The following PDE4D variants were observed in gnomAD, a reference collection of about 807,000 sequenced individuals.
PDE4D encodes the protein phosphodiesterase 4D.
A neutral mutation model predicts 87.4 loss-of-function variants in PDE4D; 24 were observed. The observed-to-expected ratio is 0.27, with a 90% confidence interval of 0.20 to 0.39. The LOEUF is 0.39. PDE4D is among the 10% of genes least tolerant of loss of function. The pLI is 1.00. For missense variants in PDE4D, 714 were observed against 1,041.0 expected, an observed-to-expected ratio of 0.69 and a Z score of 4.32; for synonymous variants, 384 against 383.2, an observed-to-expected ratio of 1.00 and a Z score of -0.02.
rs773384834 is a variant in PDE4D at position 59,848,472 on chromosome 5, A to G, written c.455+44696T>C. Among the ~76,000 whole-genome samples the G allele has an allele frequency of 2.3e-4, 35 of 152,206 alleles. 1 individual carries two copies. Among genetic ancestry groups the G allele is most frequent in the Admixed American group, 1.3e-3 (20 of 15,266 alleles). ...TATTAGGACATGTCTGTCTTTATGT[A>G]AGTTTTTGCAGCCACTAAAAATGAT... On this transcript the variant is annotated intron_variant, in intron 1 of 14. Coordinates refer to ENST00000340635, the MANE Select transcript of PDE4D (RefSeq NM_001104631.2).
chr5:60,301,381 T>C (rs995334048), intron 1 of PDE4D, among the ~76,000 whole-genome samples: 1 of 152,204 alleles, frequency 6.6e-6, no homozygotes, highest in Non-Finnish European at 1.5e-5. Context: ...ATGTCTGATT[T>C]CTTTGAGCAT....
intron 1 of PDE4D, among the ~76,000 whole-genome samples, chr5:59,771,081 A>C (rs1763386621): frequency 6.6e-6 from 1 of 151,990 alleles, no homozygotes; most frequent in Non-Finnish European, 1.5e-5. Context: ...GCATTGAGCC[A>C]TGATCATGCC....
chr5:60,060,164 A>T (rs983890993), intron 2 of PDE4D, among the ~76,000 whole-genome samples: 1 of 152,014 alleles, frequency 6.6e-6, no homozygotes, highest in African/African-American at 2.4e-5. Flanking sequence ...TTCCATCACA[A>T]AGTTCTCTCT....
intron 1 of PDE4D, among the ~76,000 whole-genome samples, chr5:60,384,527 CTGTT>C (rs1173948499): frequency 1.3e-5 from 2 of 152,210 alleles, no homozygotes; most frequent in African/African-American, 2.4e-5. Context: ...GTCTTTGACT[CTGTT>C]TGCTTCCTCT....
intron 2 of PDE4D, among the ~76,000 whole-genome samples, chr5:60,105,010 A>G (rs1776712133): frequency 6.6e-6 from 1 of 152,242 alleles, no homozygotes; most frequent in Non-Finnish European, 1.5e-5. Flanking sequence ...AAGCTGGACG[A>G]AGAATGACTT....
intron 1 of PDE4D, among the ~76,000 whole-genome samples, chr5:59,858,318 C>A (rs1333155917): frequency 6.6e-6 from 1 of 151,892 alleles, no homozygotes; most frequent in African/African-American, 2.4e-5. Context: ...CCTAGAATTT[C>A]CCTGTATCCT....
chr5:59,816,889 A>G (rs1158168964), intron 1 of PDE4D, among the ~76,000 whole-genome samples: 1 of 152,204 alleles, frequency 6.6e-6, no homozygotes, highest in Non-Finnish European at 1.5e-5. Context: ...CTTTAAAATG[A>G]ATTTCCAAAT....
intron 1 of PDE4D, among the ~76,000 whole-genome samples, chr5:59,858,502 G>T (rs1022145397): frequency 5.3e-5 from 8 of 152,034 alleles, no homozygotes; most frequent in Non-Finnish European, 1.5e-5. Flanking sequence ...GTGCTTTTGT[G>T]TTGGGCTTGT....
At chr5:59,548,601 CAG>C (rs1329165536) in intron 1 of PDE4D, among the ~76,000 whole-genome samples, 22 of 151,986 alleles carry the variant, frequency 1.4e-4, no homozygotes, top group Non-Finnish European at 1.9e-4. Context: ...ACATGTGCTA[CAG>C]AGAAAAATAA....
chr5:59,740,704 A>C (rs2150667448), intron 1 of PDE4D, among the ~76,000 whole-genome samples: 1 of 152,302 alleles, frequency 6.6e-6, no homozygotes, highest in East Asian at 1.9e-4. Context: ...GGAATTATTC[A>C]GGTAAAGAGG....
At chr5:60,212,389 C>A (rs934309864) in intron 1 of PDE4D, among the ~76,000 whole-genome samples, 1 of 152,066 alleles carries the variant, frequency 6.6e-6, no homozygotes, top group Non-Finnish European at 1.5e-5. Flanking sequence ...CAGATTTAGC[C>A]AATTGGAGCA....
intron 1 of PDE4D, among the ~76,000 whole-genome samples, chr5:60,200,681 C>T (rs954514207): frequency 6.6e-6 from 1 of 152,058 alleles, no homozygotes; most frequent in African/African-American, 2.4e-5. Flanking sequence ...TCTCCTTGCT[C>T]CCAAATTCAC....
chr5:60,441,834 A>AGTTTGGGTGGATAG, intron 1 of PDE4D, among the ~76,000 whole-genome samples: 1 of 151,052 alleles, frequency 6.6e-6, no homozygotes, highest in Non-Finnish European at 1.5e-5. Flanking sequence ...AAACGTATGA[A>AGTTTGGGTGGATAG]AAAAAAGCTC....
intron 2 of PDE4D, among the ~76,000 whole-genome samples, chr5:60,142,184 AGAAGGAAGGATG>A (rs1190422182): frequency 1.4e-5 from 2 of 142,582 alleles, no homozygotes; most frequent in Non-Finnish European, 3.1e-5. Flanking sequence ...GACAATACAT[AGAAGGAAGGATG>A]GAAGGAAGGA....
intron 1 of PDE4D, among the ~76,000 whole-genome samples, chr5:60,467,339 T>C (rs1193448783): frequency 6.6e-6 from 1 of 152,146 alleles, no homozygotes; most frequent in Non-Finnish European, 1.5e-5. Flanking sequence ...GGCCCAGCCC[T>C]GGAATTTTAA....
chr5:59,626,904 T>A (rs1245882460), intron 1 of PDE4D, among the ~76,000 whole-genome samples: 1 of 152,238 alleles, frequency 6.6e-6, no homozygotes, highest in South Asian at 2.1e-4. Flanking sequence ...TCTGTCTTTA[T>A]TATGTCTGAT....
At chr5:60,324,183 C>A (rs1369065958) in intron 1 of PDE4D, among the ~76,000 whole-genome samples, 1 of 152,124 alleles carries the variant, frequency 6.6e-6, no homozygotes, top group Non-Finnish European at 1.5e-5. Flanking sequence ...GGTGAATGAA[C>A]AAATGAATAA....
intron 2 of PDE4D, among the ~76,000 whole-genome samples, chr5:60,104,052 C>G (rs1042902580): frequency 1.3e-5 from 2 of 152,088 alleles, no homozygotes; most frequent in African/African-American, 4.8e-5. Context: ...CGAAGCAGGG[C>G]GAGGCATTGC....
chr5:59,341,828 C>T (rs544543147), intron 1 of PDE4D, among the ~76,000 whole-genome samples: 1 of 152,268 alleles, frequency 6.6e-6, no homozygotes, highest in South Asian at 2.1e-4. Context: ...CAAACTTGCA[C>T]TTATCTTTGA....
Sources: gnomAD v4.1 joint callset for allele counts (sites outside exome capture counted in the v4.1 genomes callset) on GRCh38, gnomAD v4.1.1 for gene constraint, MANE v1.5 for transcripts, NCBI Gene and HGNC (gene_info 2026-07-23, HGNC 2026-07-21) for gene names.